Variants in TUBGCP3 observed in about 807,000 individuals in gnomAD.
TUBGCP3 encodes gamma-tubulin complex component 3.
Under a neutral mutation model 123.1 loss-of-function variants are expected in TUBGCP3, and 50 were observed. That is an observed-to-expected ratio of 0.41 (90% confidence interval 0.32 to 0.51). TUBGCP3 has a LOEUF of 0.51. TUBGCP3 is among the 20% of genes least tolerant of loss of function. TUBGCP3 has a pLI of 0.36. For missense variants in TUBGCP3, 882 were observed against 1,127.0 expected (o/e 0.78, Z 3.11); for synonymous variants, 405 against 413.9 (o/e 0.98, Z 0.26).
chr13:112,541,856 A>C (rs969839524), intron 11 of TUBGCP3, among the ~76,000 whole-genome samples: 1 of 152,244 alleles, frequency 6.6e-6, no homozygotes, highest in Non-Finnish European at 1.5e-5. Context: ...GCCCAAATTC[A>C]TACTATAACT....
rs564493744 is a variant in TUBGCP3 at position 112,499,268 on chromosome 13, T to C, written c.2308-83A>G. On this transcript the variant is annotated intron_variant, in intron 19 of 21. Coordinates refer to ENST00000261965, the MANE Select transcript of TUBGCP3 (RefSeq NM_006322.6). ...AAAACATTGATATTTAGTGAAAAGA[T>C]ATTAGAAAACAAGATATCAACTGAA... The C allele has an allele frequency of 1.9e-5, 28 of 1,475,404 alleles. No individual in the cohort carries two copies. In the East Asian group the frequency reaches 5.5e-4, roughly 29 times the overall value. The allele number at this position is 1,475,404 out of a possible 1,614,324, so 91.4% of individuals were successfully genotyped here.
chr13:112,560,379 G>A (rs1235000385), intron 3 of TUBGCP3, among the ~76,000 whole-genome samples: 6 of 150,202 alleles, frequency 4.0e-5, no homozygotes, highest in African/African-American at 1.5e-4. Context: ...GCAGTGAGCC[G>A]AGATCCCGCC....
the TUBGCP3 span, among the ~76,000 whole-genome samples, chr13:112,601,185 T>TTA: frequency 7.8e-3 from 671 of 86,514 alleles, 6 homozygotes; most frequent in African/African-American, 0.03. Context: ...AGATTCTGTC[T>TTA]AAAAAAAAAA....
chr13:112,527,495 A>G lies in TUBGCP3; in HGVS notation c.1336-11T>C. 1 of 1,580,726 alleles carries G rather than the reference A, an allele frequency of 6.3e-7. No individual in the cohort carries two copies. Reference sequence around the variant, plus strand: ...TGATGCTACAAAAAACTGAAAGCAAAGGGGCATGGAAATGTTCAAGAGTGA... The same window carrying G: ...TGATGCTACAAAAAACTGAAAGCAAGGGGGCATGGAAATGTTCAAGAGTGA... On this transcript the variant is annotated splice_polypyrimidine_tract_variant and intron_variant, in intron 11 of 21. Coordinates refer to ENST00000261965, the MANE Select transcript of TUBGCP3 (RefSeq NM_006322.6).
intron 17 of TUBGCP3, among the ~76,000 whole-genome samples, chr13:112,506,140 G>A (rs1372874004): frequency 6.6e-6 from 1 of 152,220 alleles, no homozygotes; most frequent in Non-Finnish European, 1.5e-5. Flanking sequence ...GATCATTGAT[G>A]GCAGACTTAG....
chr13:112,603,707 A>G, the TUBGCP3 span: 1 of 152,320 alleles, frequency 6.6e-6, no homozygotes, highest in Admixed American at 6.5e-5. Flanking sequence ...CCTGGGCAAC[A>G]TGAGTGAAAC....
Position 112,557,045 on chromosome 13 carries a change from A to C in TUBGCP3, c.549-821T>G, listed in dbSNP as rs9577799. ...TCGTGAAGTAAGGAGAACAGGAAAGAACTGAAACAGTTCTTATTTTATTCC... is the reference window on the plus strand; with the variant it reads ...TCGTGAAGTAAGGAGAACAGGAAAGCACTGAAACAGTTCTTATTTTATTCC... On this transcript the variant is annotated intron_variant, in intron 5 of 21. Coordinates refer to ENST00000261965, the MANE Select transcript of TUBGCP3 (RefSeq NM_006322.6). 1.2e-3 allele frequency among the ~76,000 whole-genome samples: 185 copies of C among 152,328 alleles called. No individual in the cohort carries two copies. In the East Asian group the frequency reaches 0.022, roughly 18 times the overall value.
rs773463756 is a variant in TUBGCP3 at position 112,556,071 on chromosome 13, C to T, written c.702G>A (p.Arg234=). 3 of 1,613,970 alleles carry T rather than the reference C, an allele frequency of 1.9e-6. No individual in the cohort carries two copies. The highest frequency in any genetic ancestry group is 3.3e-5 in the Admixed American group (2 of 60,008). The change falls in exon 6 of 22, where the codon AGG becomes AGA. Residue 234 remains arginine (R), a synonymous_variant. Transcript: ENST00000261965. ...ACTCACCACCCGTATCCCCTTCTCT[C>T]CTGGACCTTGTCATGTTGCGAGACA... is the stretch of plus-strand genomic sequence containing the variant. ...SAVSRNMTRS[R]REGDTGGTME... is the part of the protein sequence containing the mutation.
At chr13:112,591,010 G>T (rs141442597), upstream of TUBGCP3, among the ~76,000 whole-genome samples, 189 of 152,286 alleles carry the variant, frequency 1.2e-3, 1 homozygote, top group African/African-American at 4.3e-3. Context: ...GCCTCATAAG[G>T]CACCTAAGTA....
chr13:112,575,844 A>G (rs1819551218), intron 1 of TUBGCP3, among the ~76,000 whole-genome samples: 1 of 150,356 alleles, frequency 6.7e-6, no homozygotes, highest in African/African-American at 2.5e-5. Flanking sequence ...ACATGGGCCA[A>G]GGAGCCAATG....
chr13:112,536,513 G>A (rs1878066734), intron 11 of TUBGCP3, among the ~76,000 whole-genome samples: 1 of 151,790 alleles, frequency 6.6e-6, no homozygotes, highest in African/African-American at 2.4e-5. Flanking sequence ...GCACTTCCTT[G>A]GTTAAATTTT....
intron 1 of TUBGCP3, among the ~76,000 whole-genome samples, chr13:112,585,599 C>T (rs948810371): frequency 6.6e-6 from 1 of 151,910 alleles, no homozygotes; most frequent in Non-Finnish European, 1.5e-5. Flanking sequence ...TGGTGAAACC[C>T]CATCTCTACT....
intron 17 of TUBGCP3, among the ~76,000 whole-genome samples, chr13:112,506,342 C>A (rs1438625658): frequency 6.6e-6 from 1 of 152,214 alleles, no homozygotes; most frequent in African/African-American, 2.4e-5. Flanking sequence ...GCCTCCCCTG[C>A]CAATGGCTAT....
chr13:112,486,991 CTG>C (rs1167334571), intron 21 of TUBGCP3, among the ~76,000 whole-genome samples: 1 of 152,054 alleles, frequency 6.6e-6, no homozygotes, highest in Non-Finnish European at 1.5e-5. Context: ...ACAGGCAGGC[CTG>C]GGCACAGGCT....
chr13:112,575,858 C>T (rs1337166408), intron 1 of TUBGCP3, among the ~76,000 whole-genome samples: 1 of 152,178 alleles, frequency 6.6e-6, no homozygotes, highest in Non-Finnish European at 1.5e-5. Flanking sequence ...GCCAATGAGC[C>T]AAGGAGCACC....
At chr13:112,497,979 A>C (rs902701141) in intron 20 of TUBGCP3, among the ~76,000 whole-genome samples, 2 of 152,222 alleles carry the variant, frequency 1.3e-5, no homozygotes, top group Non-Finnish European at 2.9e-5. Context: ...TTGCTTAATA[A>C]ATCTGAAAAT....
chr13:112,598,455 T>TA, the TUBGCP3 span, among the ~76,000 whole-genome samples: 1 of 152,034 alleles, frequency 6.6e-6, no homozygotes, highest in African/African-American at 2.4e-5. Context: ...TATGCAAACT[T>TA]AAATACATAA....
intron 3 of TUBGCP3, among the ~76,000 whole-genome samples, chr13:112,561,509 G>A (rs9577803): frequency 0.16 from 23,992 of 152,174 alleles, 2,148 homozygotes; most frequent in East Asian, 0.21. Context: ...ACGGACAAAC[G>A]AGAGATATAG....
intron 11 of TUBGCP3, among the ~76,000 whole-genome samples, chr13:112,539,186 C>T (rs1333792540): frequency 6.6e-6 from 1 of 152,186 alleles, no homozygotes; most frequent in Admixed American, 6.5e-5. Flanking sequence ...TTCACACATA[C>T]ACAAAATCAC....
Sources: gnomAD v4.1 joint callset for allele counts (sites outside exome capture counted in the v4.1 genomes callset) on GRCh38, gnomAD v4.1.1 for gene constraint, MANE v1.5 for transcripts, NCBI Gene and HGNC (gene_info 2026-07-23, HGNC 2026-07-21) for gene names.